Variants in CCPG1 observed in about 807,000 individuals in gnomAD.
CCPG1 encodes the protein cell cycle progression 1.
CCPG1 carries 46 observed loss-of-function variants against 81.3 expected under a neutral mutation model. That is an observed-to-expected ratio of 0.57 (90% CI 0.45 to 0.72). The LOEUF (loss-of-function observed/expected upper bound fraction) is 0.72, where lower values mean the gene tolerates loss of function less well. CCPG1 is among the 30% of genes least tolerant of loss of function. The pLI is 0.00. For synonymous variants in CCPG1, 330 were observed against 305.2 expected, an observed-to-expected ratio of 1.08 and a Z score of -0.85; for missense variants, 902 against 937.6, an observed-to-expected ratio of 0.96 and a Z score of 0.50.
chr15:55,360,907 G>A lies in CCPG1; in HGVS notation c.866C>T (p.Thr289Ile), dbSNP rs183741495. The A allele has an allele frequency of 1.4e-5, 22 of 1,586,612 alleles. No homozygotes were observed. The Admixed American group carries it at 2.6e-4, about 19-fold the overall frequency. Reference protein sequence around the residue: ...KENLARCWTLTEAEKMSFETQ... With the variant: ...KENLARCWTLIEAEKMSFETQ... Reference sequence around the variant, plus strand: ...TTCAAAGGACATCTTCTCTGCTTCAGTAAGTGTCCAACACCTTGCAAGATT... The same window carrying A: ...TTCAAAGGACATCTTCTCTGCTTCAATAAGTGTCCAACACCTTGCAAGATT... The change falls in exon 8 of 9, where the codon ACT becomes ATT. Residue 289 changes from threonine to isoleucine, a missense_variant. Around this residue, in one of 3 missense-constraint regions of CCPG1, gnomAD observed 746 missense variants for 728.6 expected, o/e 1.02. Coordinates refer to ENST00000442196, the MANE Select transcript of CCPG1 (RefSeq NM_001204450.2).
chr15:55,356,497 ATGATC>A, intron 8 of CCPG1, 88 bp from the exon 9 acceptor site: 1 of 1,316,630 alleles, frequency 7.6e-7, no homozygotes, highest in South Asian at 1.6e-5. Flanking sequence ...CCATTAATCT[ATGATC>A]TGAACACTGA....
At position 55,377,116 on chromosome 15, in the gene CCPG1, T is replaced by C. The variant is rs2056582529; in HGVS notation, c.287A>G (p.Tyr96Cys). The C allele has an allele frequency of 1.2e-6, 2 of 1,613,328 alleles. No homozygotes were observed. The highest frequency in any genetic ancestry group is 1.3e-5 in the African/African-American group (1 of 74,926). ...AGAATCATCACTGGCAGTTCCAATA[T>C]AGATACTGTCTTCGGGTATCTTTTG... The part of the protein sequence containing the change: ...EEQKIPEDSI[Y>C]IGTASDDSDI... The change falls in exon 5 of 9, where the codon TAT (tyrosine) becomes TGT (cysteine). Residue 96 changes from tyrosine (Y) to cysteine (C), a missense_variant. Transcript: ENST00000442196.
intron 1 of CCPG1, among the ~76,000 whole-genome samples, chr15:55,394,583 A>C (rs570067810): frequency 6.6e-6 from 1 of 152,298 alleles, no homozygotes; most frequent in African/African-American, 2.4e-5. Context: ...TCTCAAATCA[A>C]TAAGCCCACT....
chr15:55,394,333 A>G (rs2056977180), intron 1 of CCPG1, among the ~76,000 whole-genome samples: 2 of 152,188 alleles, frequency 1.3e-5, no homozygotes, highest in Admixed American at 6.5e-5. Context: ...TATAAGGGAG[A>G]AAGTGTAGGA....
chr15:55,391,887 A>AGGGGGGGGGGGG (rs61200003), intron 1 of CCPG1, among the ~76,000 whole-genome samples: 2 of 44,732 alleles, frequency 4.5e-5, no homozygotes, highest in Non-Finnish European at 8.5e-5. Flanking sequence ...AAAAAAAAAA[A>AGGGGGGGGGGGG]GGGGGGGGGG....
Position 55,365,192 on chromosome 15 carries a change from T to A in CCPG1, c.824A>T (p.Tyr275Phe). ...CQQEQESFID[Y>F]KSLKENLARC... is the part of the protein sequence containing the mutation. ...AATACTGTTAGTGGTACATACCTTA[T>A]AATCTATAAAAGATTCTTGTTCCTG... The change falls in exon 7 of 9, where the codon TAT becomes TTT. Residue 275 changes from tyrosine (Y) to phenylalanine (F), a missense_variant. Physicochemically the swap from Tyr to Phe is conservative, Grantham distance 22. Coordinates refer to ENST00000442196, the MANE Select transcript of CCPG1 (RefSeq NM_001204450.2). 6.9e-7 allele frequency: 1 copy of A among 1,451,364 alleles called. No individual in the cohort carries two copies. Among genetic ancestry groups the A allele is most frequent in the South Asian group, 1.2e-5 (1 of 81,976 alleles). The allele number at this position is 1,451,364 out of a possible 1,614,324, so 89.9% of individuals were successfully genotyped here. A position where few individuals can be genotyped will look rare whatever the true frequency, so the allele number is the denominator to read the frequency against.
chr15:55,367,935 C>A (rs973153846), intron 6 of CCPG1, among the ~76,000 whole-genome samples: 1 of 152,114 alleles, frequency 6.6e-6, no homozygotes, highest in African/African-American at 2.4e-5. Flanking sequence ...TCCATACCAC[C>A]TTTTCCACAC....
chr15:55,356,267 T>A lies in CCPG1; in HGVS notation c.2377A>T (p.Asn793Tyr). The change falls in exon 9 of 9, where the codon AAT (asparagine) becomes TAT (tyrosine). Residue 793 changes from asparagine (N) to tyrosine (Y), a missense_variant. By Grantham distance (143) the Asn-to-Tyr change is moderately radical. Around this residue, in one of 3 missense-constraint regions of CCPG1, gnomAD observed 128 missense variants for 161.2 expected, o/e 0.79. Coordinates refer to ENST00000442196, the MANE Select transcript of CCPG1 (RefSeq NM_001204450.2). Reference protein sequence around the residue: ...YGRTNGRQMANLEIELGQLPF... With the variant: ...YGRTNGRQMAYLEIELGQLPF... ...AATTGCCCCAATTCTATTTCAAGAT[T>A]TGCCATTTGTCTTCCATTAGTGCGA... 1 of 1,535,158 alleles carries A rather than the reference T, an allele frequency of 6.5e-7. No homozygotes were observed.
chr15:55,399,358 G>A (rs1373938454), intron 1 of CCPG1, among the ~76,000 whole-genome samples: 1 of 149,912 alleles, frequency 6.7e-6, no homozygotes, highest in African/African-American at 2.5e-5. Flanking sequence ...CTGTCAGGTC[G>A]GGTACAGTTC....
chr15:55,368,134 G>A (rs1026866729), intron 6 of CCPG1, among the ~76,000 whole-genome samples: 5 of 152,092 alleles, frequency 3.3e-5, no homozygotes, highest in African/African-American at 9.7e-5. Flanking sequence ...TGTGAGGTCC[G>A]CAGTCAAGGG....
At position 55,360,600 on chromosome 15, in the gene CCPG1, T is replaced by G. The variant is rs200240259; in HGVS notation, c.1173A>C (p.Leu391=). 19 of 1,614,034 alleles carry G rather than the reference T, an allele frequency of 1.2e-5. No individual in the cohort carries two copies. The highest frequency in any genetic ancestry group is 1.4e-5 in the Non-Finnish European group (17 of 1,180,016). The change falls in exon 8 of 9, where the codon CTA becomes CTC. Residue 391 remains leucine (L), a synonymous_variant. Transcript: ENST00000442196. ...GTTCCCCCCTTAAAGCCGTAGTTACTAGTCGTTCTCTCTCCAGTTCTCTCT... is the reference window on the plus strand; with the variant it reads ...GTTCCCCCCTTAAAGCCGTAGTTACGAGTCGTTCTCTCTCCAGTTCTCTCT... ...MLKRELERER[L]VTTALRGELQ...
At chr15:55,365,881 C>T (rs1221698675) in intron 6 of CCPG1, among the ~76,000 whole-genome samples, 4 of 151,622 alleles carry the variant, frequency 2.6e-5, no homozygotes, top group African/African-American at 9.7e-5. Context: ...CATTTGAGGT[C>T]AGGAGTTCAA....
intron 1 of CCPG1, among the ~76,000 whole-genome samples, chr15:55,395,827 G>C (rs949440336): frequency 1.3e-5 from 2 of 152,082 alleles, no homozygotes; most frequent in African/African-American, 2.4e-5. Flanking sequence ...AGGTAACCAC[G>C]TCTGGGTGAT....
chr15:55,399,157 T>C (rs183408131), intron 1 of CCPG1, among the ~76,000 whole-genome samples: 527 of 151,042 alleles, frequency 3.5e-3, no homozygotes, highest in Non-Finnish European at 5.1e-3. Context: ...GAGGGCAGAG[T>C]AGGGGTGGGG....
At position 55,358,277 on chromosome 15, in the gene CCPG1, A is replaced by G. The variant is rs563037841; in HGVS notation, c.2234+1262T>C. The G allele has an allele frequency of 9.1e-5, 57 of 628,040 alleles. No individual in the cohort carries two copies. In the Middle Eastern group the frequency reaches 2.3e-3, roughly 25 times the overall value. 38.9% of individuals were successfully genotyped at this position (628,040 alleles called of 1,614,324 possible). ...TAAAGAAGGAAAAAGAAATTCATGC[A>G]TAGTATATATAGAATTATGTTCTAT... is the stretch of plus-strand genomic sequence containing the variant. On this transcript the variant is annotated intron_variant, in intron 8 of 8. Coordinates refer to ENST00000442196, the MANE Select transcript of CCPG1 (RefSeq NM_001204450.2).
At chr15:55,405,052 C>T (rs1402393315) in intron 1 of CCPG1, among the ~76,000 whole-genome samples, 1 of 151,908 alleles carries the variant, frequency 6.6e-6, no homozygotes, top group East Asian at 1.9e-4. Flanking sequence ...TGGCAAAACC[C>T]AGTCTCTACT....
Position 55,359,896 on chromosome 15 carries a change from C to T in CCPG1, c.1877G>A (p.Arg626Lys), listed in dbSNP as rs753198827. 6.2e-7 allele frequency: 1 copy of T among 1,613,674 alleles called. No homozygotes were observed. Among genetic ancestry groups the T allele is most frequent in the South Asian group, 1.1e-5 (1 of 91,078 alleles). Residue 626 changes from arginine (R) to lysine (K), a missense_variant, in exon 8 of 9, where the codon AGA becomes AAA. Physicochemically the swap from Arg to Lys is conservative, Grantham distance 26. Around this residue, in one of 3 missense-constraint regions of CCPG1, gnomAD observed 746 missense variants for 728.6 expected, o/e 1.02. Coordinates refer to ENST00000442196, the MANE Select transcript of CCPG1 (RefSeq NM_001204450.2). ...ATCAAATACACCAGAACAAGCCTTTCTGAAAGAATGAGAATTTTCTCTACA... is the reference window on the plus strand; with the variant it reads ...ATCAAATACACCAGAACAAGCCTTTTTGAAAGAATGAGAATTTTCTCTACA... ...HDCRENSHSF[R>K]KACSGVFDCA...
intron 1 of CCPG1, among the ~76,000 whole-genome samples, chr15:55,398,943 A>G (rs1464235132): frequency 1.3e-5 from 2 of 152,222 alleles, no homozygotes; most frequent in African/African-American, 4.8e-5. Flanking sequence ...AAATGAGCCT[A>G]TCCTCATCCG....
chr15:55,364,642 A>G (rs6493780), intron 7 of CCPG1, among the ~76,000 whole-genome samples: 28,203 of 150,644 alleles, frequency 0.19, 5,101 homozygotes, highest in African/African-American at 0.44. Flanking sequence ...TAGGAGACTG[A>G]GGTGGGTAGA....
Sources: allele counts gnomAD v4.1 joint callset (sites outside exome capture counted in the v4.1 genomes callset), GRCh38; gene constraint gnomAD v4.1.1; regional missense constraint gnomAD v4.1.1; transcripts MANE v1.5; gene names NCBI Gene and HGNC (gene_info 2026-07-23, HGNC 2026-07-21).